The following PKP2 variants were observed in gnomAD, a reference collection of about 807,000 sequenced individuals.
The protein encoded by PKP2 is plakophilin 2.
Under a neutral mutation model 83.4 loss-of-function variants are expected in PKP2, and 73 were observed. The observed-to-expected ratio is 0.88, with a 90% CI of 0.72 to 1.06. The LOEUF (loss-of-function observed/expected upper bound fraction) is 1.06, where lower values mean the gene tolerates loss of function less well. Among genes scored for constraint, PKP2 ranks in the 50% least tolerant of loss-of-function variants. PKP2 has a pLI of 0.00. For missense variants in PKP2, 966 were observed against 1,065.4 expected, an observed-to-expected ratio of 0.91 and a Z score of 1.30; for synonymous variants, 409 against 430.4, an observed-to-expected ratio of 0.95 and a Z score of 0.62.
At position 32,792,497 on chromosome 12, in the gene PKP2, G is replaced by A. The variant is rs757717576; in HGVS notation, c.2446-5C>T. The A allele has an allele frequency of 1.2e-6, 2 of 1,612,640 alleles. No homozygotes were observed. Among genetic ancestry groups the A allele is most frequent in the South Asian group, 2.2e-5 (2 of 91,062 alleles). ...ATCTGTCTTCTTAAACTGAGCCTTTGGAATAAGCAAACAGAAACGTGAAAG... is the reference window on the plus strand; with the variant it reads ...ATCTGTCTTCTTAAACTGAGCCTTTAGAATAAGCAAACAGAAACGTGAAAG... On this transcript the variant is annotated splice_region_variant and splice_polypyrimidine_tract_variant and intron_variant, in intron 12 of 12. Transcript: ENST00000340811.
intron 6 of PKP2, among the ~76,000 whole-genome samples, chr12:32,826,211 CAGG>C (rs1183625697): frequency 6.8e-6 from 1 of 148,066 alleles, no homozygotes; most frequent in East Asian, 2.0e-4. Context: ...GAAGCTGAGG[CAGG>C]AGAATGGTGT....
rs774862511 is a variant in PKP2, at chr12:32,802,380, CAT to C, written c.2167+21_2167+22del. 4 of 1,608,652 alleles carry C rather than the reference CAT, an allele frequency of 2.5e-6. No homozygotes were observed. The Admixed American group carries it at 5.0e-5, about 20-fold the overall frequency. Reference sequence around the variant, plus strand: ...GTATCTTCAGCATGTACATATTACACATAGATACTTATACCGACTCACCAATT... The same window carrying C: ...GTATCTTCAGCATGTACATATTACACAGATACTTATACCGACTCACCAATT... On this transcript the variant is annotated intron_variant, in intron 10 of 12. Coordinates refer to ENST00000340811, the MANE Select transcript of PKP2 (RefSeq NM_001005242.3).
At chr12:32,890,546 A>T (rs1027531110) in intron 1 of PKP2, among the ~76,000 whole-genome samples, 2 of 152,180 alleles carry the variant, frequency 1.3e-5, no homozygotes, top group African/African-American at 4.8e-5. Context: ...CTTTTTTTCC[A>T]ACTGTCCATT....
intron 9 of PKP2, among the ~76,000 whole-genome samples, chr12:32,815,163 A>T (rs1956310406): frequency 6.6e-6 from 1 of 152,184 alleles, no homozygotes; most frequent in Non-Finnish European, 1.5e-5. Flanking sequence ...CTTAAACACC[A>T]GTGGGGGTTT....
chr12:32,878,126 T>G lies in PKP2; in HGVS notation c.754A>C (p.Met252Leu). The G allele has an allele frequency of 6.2e-7, 1 of 1,614,258 alleles. No homozygotes were observed. The highest frequency in any genetic ancestry group is 8.5e-7 in the Non-Finnish European group (1 of 1,180,048). Residue 252 changes from methionine (M) to leucine (L), a missense_variant, in exon 3 of 13, where the codon ATG becomes CTG. By Grantham distance (15) the Met-to-Leu change is conservative (BLOSUM62 2). Coordinates refer to ENST00000340811, the MANE Select transcript of PKP2 (RefSeq NM_001005242.3). ...TYPRPGTSRS[M>L]GNLLEKENYL... Reference sequence around the variant, plus strand: ...TTCTCCTTCTCCAAGAGGTTGCCCATGCTGCGGCTGGTCCCTGGCCTGGGG... The same window carrying G: ...TTCTCCTTCTCCAAGAGGTTGCCCAGGCTGCGGCTGGTCCCTGGCCTGGGG...
intron 10 of PKP2, among the ~76,000 whole-genome samples, chr12:32,799,212 T>A (rs996491813): frequency 6.6e-6 from 1 of 152,156 alleles, no homozygotes; most frequent in African/African-American, 2.4e-5. Context: ...ATCATGGAAA[T>A]GCAAATTAAA....
intron 12 of PKP2, 70 bp downstream of exon 12, chr12:32,792,574 G>T: frequency 6.5e-6 from 10 of 1,549,376 alleles, no homozygotes; most frequent in Non-Finnish European, 8.9e-6. Flanking sequence ...TTTCTTCCCA[G>T]GGTCAAGTCA....
chr12:32,888,894 G>A (rs1313460623), intron 1 of PKP2, among the ~76,000 whole-genome samples: 1 of 151,532 alleles, frequency 6.6e-6, no homozygotes, highest in Non-Finnish European at 1.5e-5. Context: ...GGCCTCAGGC[G>A]ATTCTCCTGT....
At position 32,841,160 on chromosome 12, in the gene PKP2, A is replaced by C; in HGVS notation, c.1424T>G (p.Met475Arg). Residue 475 changes from methionine (M) to arginine (R), a missense_variant, in exon 6 of 13, where the codon ATG becomes AGG. By Grantham distance (91) the Met-to-Arg change is moderately conservative (BLOSUM62 -1). Transcript: ENST00000340811. The stretch of plus-strand genomic sequence containing the variant: ...CAGCGTAAGCAATGCTTCTGTTATC[A>C]TGAGATTCTTGAGTTTGTCATTAGA... ...LSSNDKLKNL[M>R]ITEALLTLTE... 1 of 1,613,758 alleles carries C rather than the reference A, an allele frequency of 6.2e-7. No homozygotes were observed. The highest frequency in any genetic ancestry group is 1.1e-5 in the South Asian group (1 of 91,072).
In PKP2 at chr12:32,790,882, CAT is replaced by C. The variant is rs554108262; in HGVS notation, c.*1540_*1541del. ...TTATCATCAGAACTCTGGAAAAAGACATATAAATTCTCTCCAGTATTTTAAAA... is the reference window on the plus strand; with the variant it reads ...TTATCATCAGAACTCTGGAAAAAGACATAAATTCTCTCCAGTATTTTAAAA... On this transcript the variant is annotated 3_prime_UTR_variant, in exon 13 of 13. Transcript: ENST00000340811. 57 of 152,176 alleles carry C rather than the reference CAT, an allele frequency of 3.7e-4. No homozygotes were observed. The highest frequency in any genetic ancestry group is 1.3e-3 in the African/African-American group (56 of 41,518). 9.4% of individuals were successfully genotyped at this position (152,176 alleles called of 1,614,324 possible).
intron 9 of PKP2, among the ~76,000 whole-genome samples, chr12:32,819,289 AATACAATACAATAC>A (rs374192476): frequency 0.13 from 18,241 of 145,750 alleles, 1,411 homozygotes; most frequent in African/African-American, 0.17. Context: ...AAATAAATAC[AATACAATACAATAC>A]AATACAATAC....
At chr12:32,829,722 G>A (rs1023606872) in intron 6 of PKP2, among the ~76,000 whole-genome samples, 4 of 151,634 alleles carry the variant, frequency 2.6e-5, no homozygotes, top group Non-Finnish European at 4.4e-5. Context: ...GTGCAGTGGC[G>A]AAATCTTGGC....
intron 9 of PKP2, among the ~76,000 whole-genome samples, chr12:32,816,427 T>C (rs1016866113): frequency 1.3e-5 from 2 of 152,220 alleles, no homozygotes. Flanking sequence ...TTACTCTTTT[T>C]TCATGGCTGC....
intron 5 of PKP2, among the ~76,000 whole-genome samples, chr12:32,841,560 T>C (rs769720210): frequency 3.3e-5 from 5 of 152,198 alleles, no homozygotes; most frequent in African/African-American, 4.8e-5. Context: ...GGCTCACCAA[T>C]AGGCAGGCTT....
chr12:32,892,141 G>C (rs745561098), intron 1 of PKP2, among the ~76,000 whole-genome samples: 13 of 151,838 alleles, frequency 8.6e-5, no homozygotes, highest in Non-Finnish European at 1.6e-4. Context: ...CCTACTTTCT[G>C]AACGATTAGT....
chr12:32,871,744 G>A (rs1358276791), intron 3 of PKP2, among the ~76,000 whole-genome samples: 5 of 152,072 alleles, frequency 3.3e-5, no homozygotes, highest in Admixed American at 6.6e-5. Flanking sequence ...GATTACAGGC[G>A]TGGGCCACCG....
rs1157824373 is a variant in PKP2 at position 32,896,568 on chromosome 12, C to A, written c.164G>T (p.Arg55Leu). The change falls in exon 1 of 13, where the codon CGG (arginine) becomes CTG (leucine). Residue 55 changes from arginine to leucine, a missense_variant. Arg to Leu is a moderately radical substitution (Grantham distance 102). Transcript: ENST00000340811. ...GGTCTGCTGCACCTGCTCCTGGATC[C>A]GCAGGCTCTTGACTGTCTGGCCGCC... ...GRGGQTVKSL[R>L]IQEQVQQTLA... 1.9e-6 allele frequency: 3 copies of A among 1,590,398 alleles called. No homozygotes were observed. The South Asian group carries it at 3.3e-5, about 18-fold the overall frequency.
At chr12:32,890,377 T>G (rs1957067118) in intron 1 of PKP2, among the ~76,000 whole-genome samples, 1 of 152,186 alleles carries the variant, frequency 6.6e-6, no homozygotes, top group Non-Finnish European at 1.5e-5. Flanking sequence ...AATGAAGGTT[T>G]TCATCCACAA....
At chr12:32,815,076 T>C (rs183606376) in intron 9 of PKP2, among the ~76,000 whole-genome samples, 7 of 152,304 alleles carry the variant, frequency 4.6e-5, no homozygotes, top group African/African-American at 1.7e-4. Flanking sequence ...AACAATGCAT[T>C]TGCAGAAGAA....
Sources: allele counts gnomAD v4.1 joint callset (sites outside exome capture counted in the v4.1 genomes callset), GRCh38; gene constraint gnomAD v4.1.1; transcripts MANE v1.5; gene names NCBI Gene and HGNC (gene_info 2026-07-23, HGNC 2026-07-21).